Variants in POLR1B observed in about 807,000 individuals in gnomAD.
POLR1B encodes the protein DNA-directed RNA polymerase I subunit RPA2.
In POLR1B, 30 loss-of-function variants were observed where a neutral mutation model predicts 105.8. The ratio of observed to expected loss-of-function variants is 0.28; its 90% CI spans 0.21 to 0.38. The LOEUF is 0.38. POLR1B is among the 10% of genes least tolerant of loss of function. The pLI, the probability that POLR1B is intolerant of heterozygous loss-of-function variation, is 1.00. For synonymous variants in POLR1B, 485 were observed against 505.1 expected, an observed-to-expected ratio of 0.96 and a Z score of 0.53; for missense variants, 976 against 1,435.8, an observed-to-expected ratio of 0.68 and a Z score of 5.17.
At chr2:112,545,758 A>G (rs1184025171) in intron 1 of POLR1B, 1 of 292,126 alleles carries the variant, frequency 3.4e-6, no homozygotes, top group South Asian at 2.8e-5. Flanking sequence ...TCCCACGTCA[A>G]CCTCTTGAGT....
At position 112,579,133 on chromosome 2, in the gene POLR1B, A is replaced by G. The variant is rs1178583991; in HGVS notation, c.*3404A>G. Reference sequence around the variant, plus strand: ...TGAGACAGGAGAATCACTTGAACCCAGGAGGCAGAGGTTGCAGTGAGCCAA... The same window carrying G: ...TGAGACAGGAGAATCACTTGAACCCGGGAGGCAGAGGTTGCAGTGAGCCAA... On this transcript the variant is annotated 3_prime_UTR_variant, in exon 15 of 15. Transcript: ENST00000263331. 6.8e-6 allele frequency among the ~76,000 whole-genome samples: 1 copy of G among 146,420 alleles called. No homozygotes were observed. The highest frequency in any genetic ancestry group is 2.1e-4 in the East Asian group (1 of 4,708).
At chr2:112,546,850 A>T in intron 1 of POLR1B, 162 bp from the exon 2 acceptor site, 1 of 665,426 alleles carries the variant, frequency 1.5e-6, no homozygotes, top group African/African-American at 1.8e-5. Context: ...GGCGTGAACC[A>T]CTGCGCCCGG....
chr2:112,542,454 G>A (rs761089824), upstream of POLR1B: 4 of 1,608,226 alleles, frequency 2.5e-6, no homozygotes, highest in South Asian at 4.4e-5. Context: ...CTGGCGTCCG[G>A]CGTGTACCGA....
chr2:112,577,907 G>A lies in POLR1B; in HGVS notation c.*2178G>A, dbSNP rs1175549579. On this transcript the variant is annotated 3_prime_UTR_variant, in exon 15 of 15. Transcript: ENST00000263331. Reference sequence around the variant, plus strand: ...ATAGAAAAGATAGGCTTTGCTTCAGGAAGCTGGTTGAGAAGAAGAAGGAAA... The same window carrying A: ...ATAGAAAAGATAGGCTTTGCTTCAGAAAGCTGGTTGAGAAGAAGAAGGAAA... 6.6e-6 allele frequency among the ~76,000 whole-genome samples: 1 copy of A among 151,346 alleles called. No individual in the cohort carries two copies. The highest frequency in any genetic ancestry group is 1.5e-5 in the Non-Finnish European group (1 of 67,952).
chr2:112,556,838 CTG>C (rs1483229458), intron 7 of POLR1B, among the ~76,000 whole-genome samples: 8 of 152,110 alleles, frequency 5.3e-5, no homozygotes, highest in Non-Finnish European at 1.2e-4. Context: ...CATGTAATAA[CTG>C]TACATATTTA....
In POLR1B at chr2:112,568,020, G is replaced by A. The variant is rs868320427; in HGVS notation, c.1800G>A (p.Met600Ile). 1.2e-6 allele frequency: 2 copies of A among 1,614,148 alleles called. No individual in the cohort carries two copies. Among genetic ancestry groups the A allele is most frequent in the African/African-American group, 2.7e-5 (2 of 75,042 alleles). Residue 600 changes from methionine to isoleucine, a missense_variant, in exon 11 of 15, where the codon ATG (methionine) becomes ATA (isoleucine). Met to Ile is a conservative substitution (Grantham distance 10). Transcript: ENST00000263331. ...GGATGGAAGTGGTCCTTATACCCAT[G>A]ACAGGAAAACCAAGTCTGTACCCAG... ...PPWMEVVLIP[M>I]TGKPSLYPGL...
At chr2:112,566,496 G>C (rs1684280481) in intron 10 of POLR1B, among the ~76,000 whole-genome samples, 1 of 152,174 alleles carries the variant, frequency 6.6e-6, no homozygotes. Flanking sequence ...TATTCTGTAA[G>C]GGAGGGCTTT....
chr2:112,564,618 T>A, intron 10 of POLR1B, 119 bp downstream of exon 10: 2 of 1,340,538 alleles, frequency 1.5e-6, no homozygotes, highest in East Asian at 2.3e-5. Flanking sequence ...GGGGTCACAA[T>A]GTCCAGAATG....
intron 3 of POLR1B, 25 bp downstream of exon 3, chr2:112,547,592 G>A: frequency 6.2e-7 from 1 of 1,608,582 alleles, no homozygotes; most frequent in Non-Finnish European, 8.5e-7. Context: ...CCAGGCATGA[G>A]ACAGTAGAGA....
In POLR1B at chr2:112,572,849, C is replaced by T. The variant is rs1004073604; in HGVS notation, c.2271+91C>T. 12 of 1,151,354 alleles carry T rather than the reference C, an allele frequency of 1.0e-5. No individual in the cohort carries two copies. In the South Asian group the frequency reaches 1.2e-4, roughly 11 times the overall value. 71.3% of individuals were successfully genotyped at this position (1,151,354 alleles called of 1,614,324 possible). ...TCACTGAAGGAATATTTTTGTGTAC[C>T]CAAGTACCTAGTATTTGGCACGTGA... On this transcript the variant is annotated intron_variant, in intron 13 of 14. Transcript: ENST00000263331.
Position 112,558,032 on chromosome 2 carries a change from A to G in POLR1B, c.1281A>G (p.Thr427=). Residue 427 remains threonine (T), a synonymous_variant, in exon 8 of 15, where the codon ACA becomes ACG. Coordinates refer to ENST00000263331, the MANE Select transcript of POLR1B (RefSeq NM_019014.6). ...TTTTTACAATGGGCATAGACCTTAC[A>G]AAACCATTTGAATACCTTTTTGCTA... The part of the protein sequence containing the change: ...MRIFTMGIDL[T]KPFEYLFATG... 1 of 1,369,728 alleles carries G rather than the reference A, an allele frequency of 7.3e-7. No homozygotes were observed. The highest frequency in any genetic ancestry group is 2.2e-5 in the South Asian group (1 of 45,964). 84.8% of individuals were successfully genotyped at this position (1,369,728 alleles called of 1,614,324 possible). A position where few individuals can be genotyped will look rare whatever the true frequency, so the allele number is the denominator to read the frequency against.
rs766842477 is a variant in POLR1B, at chr2:112,547,106, C to G, written c.272C>G (p.Thr91Ser). ...AGTCCACCTACAGTTCCAAAAGGGA[C>G]CATCTGCAAAGAGGCCAATGTTTAT... ...VISPPTVPKG[T>S]ICKEANVYPA... The change falls in exon 2 of 15, where the codon ACC (threonine) becomes AGC (serine). Residue 91 changes from threonine (T) to serine (S), a missense_variant. Thr to Ser is a moderately conservative substitution (Grantham distance 58, BLOSUM62 1). Around this residue, in one of 12 missense-constraint regions of POLR1B, gnomAD observed 452 missense variants for 616.5 expected, o/e 0.73. Coordinates refer to ENST00000263331, the MANE Select transcript of POLR1B (RefSeq NM_019014.6). 6.2e-7 allele frequency: 1 copy of G among 1,614,134 alleles called. No individual in the cohort carries two copies.
At chr2:112,553,986 A>G (rs937650602) in intron 7 of POLR1B, among the ~76,000 whole-genome samples, 1 of 152,134 alleles carries the variant, frequency 6.6e-6, no homozygotes, top group Admixed American at 6.5e-5. Context: ...AAAAGATGTA[A>G]TCTAAGAGTT....
At position 112,547,421 on chromosome 2, in the gene POLR1B, G is replaced by A. The variant is rs761486998; in HGVS notation, c.346G>A (p.Ala116Thr). 9.3e-6 allele frequency: 15 copies of A among 1,612,858 alleles called. No homozygotes were observed. The highest frequency in any genetic ancestry group is 1.3e-5 in the African/African-American group (1 of 74,836). Reference protein sequence around the residue: ...RRSTYRGKLTADINWAVNGIS... With the variant: ...RRSTYRGKLTTDINWAVNGIS... Reference sequence around the variant, plus strand: ...AACTTTTTCTCTTGTTTTCATTTAGGCTGATATCAACTGGGCAGTGAATGG... The same window carrying A: ...AACTTTTTCTCTTGTTTTCATTTAGACTGATATCAACTGGGCAGTGAATGG... Residue 116 changes from alanine to threonine, a missense_variant and splice_region_variant, in exon 3 of 15, where the codon GCT becomes ACT. Ala to Thr is a moderately conservative substitution (Grantham distance 58). Transcript: ENST00000263331.
At chr2:112,564,537 C>T (rs1684180070) in intron 10 of POLR1B, 38 bp downstream of exon 10, 2 of 1,613,098 alleles carry the variant, frequency 1.2e-6, no homozygotes, top group South Asian at 2.2e-5. Flanking sequence ...TATCCCTTGA[C>T]CTTAGGTTTT....
rs1357475830 is a variant in POLR1B at position 112,549,640 on chromosome 2, C to T, written c.625+241C>T. Reference sequence around the variant, plus strand: ...GCATGAGCCACCGTGTCTGGTCTTTCTTTTGTTTTTTGTTGTTTTTCTATT... The same window carrying T: ...GCATGAGCCACCGTGTCTGGTCTTTTTTTTGTTTTTTGTTGTTTTTCTATT... On this transcript the variant is annotated intron_variant, in intron 4 of 14. Coordinates refer to ENST00000263331, the MANE Select transcript of POLR1B (RefSeq NM_019014.6). Among the ~76,000 whole-genome samples, 16 of 151,062 alleles carry T rather than the reference C, an allele frequency of 1.1e-4. No homozygotes were observed. The Admixed American group carries it at 1.1e-3, about 10-fold the overall frequency.
At position 112,553,907 on chromosome 2, in the gene POLR1B, G is replaced by A. The variant is rs538455347; in HGVS notation, c.1158+1091G>A. ...GTAGATGTATATAGAGAGAAAGTTG[G>A]CATGGCACAAAAATGATTTCATAAG... On this transcript the variant is annotated intron_variant, in intron 7 of 14. Transcript: ENST00000263331. Among the ~76,000 whole-genome samples, 4 of 152,244 alleles carry A rather than the reference G, an allele frequency of 2.6e-5. No individual in the cohort carries two copies. The South Asian group carries it at 8.3e-4, about 32-fold the overall frequency.
rs137910424 is a variant in POLR1B, at chr2:112,576,315, TTTG to T, written c.*589_*591del. On this transcript the variant is annotated 3_prime_UTR_variant, in exon 15 of 15. Transcript: ENST00000263331. ...ATCTCCACAAGTTTCCTCCTGCCCC[TTTG>T]TTTTTTGCTTTTTGGTTGCTGTTGA... The T allele has an allele frequency of 0.087, 13,281 of 152,358 alleles. 822 individuals carry two copies. The highest frequency in any genetic ancestry group is 0.31 in the East Asian group (1,579 of 5,166). 9.4% of individuals were successfully genotyped at this position (152,358 alleles called of 1,614,324 possible). A position where few individuals can be genotyped will look rare whatever the true frequency, so the allele number is the denominator to read the frequency against.
chr2:112,570,891 G>C (rs1465793886), intron 12 of POLR1B, among the ~76,000 whole-genome samples: 1 of 150,728 alleles, frequency 6.6e-6, no homozygotes, highest in Non-Finnish European at 1.5e-5. Context: ...CAATTTTCCT[G>C]CCTCTACCTC....
Sources: gnomAD v4.1 joint callset for allele counts (sites outside exome capture counted in the v4.1 genomes callset) on GRCh38, gnomAD v4.1.1 for gene constraint, gnomAD v4.1.1 regional missense constraint, MANE v1.5 for transcripts, NCBI Gene and HGNC (gene_info 2026-07-23, HGNC 2026-07-21) for gene names.